The following MSI2 variants were observed in gnomAD, a reference collection of about 807,000 sequenced individuals.
MSI2 encodes RNA-binding protein Musashi homolog 2.
MSI2 carries 17 observed loss-of-function variants against 45.6 expected under a neutral mutation model. The observed-to-expected ratio is 0.37, with a 90% CI of 0.26 to 0.56. MSI2 has a LOEUF of 0.56. MSI2 is among the 20% of genes least tolerant of loss of function. The probability of loss-of-function intolerance (pLI) is 0.77; values close to 1 mark genes in which losing one functional copy is unlikely to be tolerated. For missense variants in MSI2, 293 were observed against 444.2 expected, an observed-to-expected ratio of 0.66 and a Z score of 3.06; for synonymous variants, 156 against 158.2, an observed-to-expected ratio of 0.99 and a Z score of 0.11.
chr17:57,573,256 G>A (rs1041630647), intron 7 of MSI2, among the ~76,000 whole-genome samples: 15 of 152,246 alleles, frequency 9.9e-5, no homozygotes, highest in South Asian at 8.3e-4. Flanking sequence ...CAATAATAGC[G>A]TTATAATAAT....
At chr17:57,379,792 T>G (rs1728717254) in intron 5 of MSI2, among the ~76,000 whole-genome samples, 1 of 152,134 alleles carries the variant, frequency 6.6e-6, no homozygotes, top group African/African-American at 2.4e-5. Flanking sequence ...GGTCAGCTCT[T>G]GATTGTTTAA....
intron 4 of MSI2, among the ~76,000 whole-genome samples, chr17:57,261,347 A>G (rs935630037): frequency 6.8e-6 from 1 of 146,890 alleles, no homozygotes; most frequent in Non-Finnish European, 1.5e-5. Flanking sequence ...TACTTCTTGT[A>G]TTCAGTAACT....
intron 6 of MSI2, among the ~76,000 whole-genome samples, chr17:57,419,078 G>C (rs2084347701): frequency 6.6e-6 from 1 of 152,120 alleles, no homozygotes; most frequent in Non-Finnish European, 1.5e-5. Context: ...TCCAAGGCAG[G>C]TAGAGTGTGA....
chr17:57,635,076 G>A (rs117716553), intron 10 of MSI2, among the ~76,000 whole-genome samples: 4 of 152,174 alleles, frequency 2.6e-5, no homozygotes, highest in Non-Finnish European at 5.9e-5. Flanking sequence ...AGAGTGGAAC[G>A]GCTACTAGTA....
chr17:57,363,680 A>C (rs2143915654), intron 5 of MSI2, among the ~76,000 whole-genome samples: 1 of 152,290 alleles, frequency 6.6e-6, no homozygotes. Context: ...CAGGGGTTGT[A>C]GTGAGCCGAA....
rs369579503 is a variant in MSI2, at chr17:57,651,994, T to G, written c.728-105T>G. 4.6e-5 allele frequency: 48 copies of G among 1,047,750 alleles called. No homozygotes were observed. In the African/African-American group the frequency reaches 7.2e-4, roughly 16 times the overall value. The allele number at this position is 1,047,750 out of a possible 1,614,324, so 64.9% of individuals were successfully genotyped here. On this transcript the variant is annotated intron_variant, in intron 10 of 13. Coordinates refer to ENST00000284073, the MANE Select transcript of MSI2 (RefSeq NM_138962.4). ...CCCTGTGAAAATCCCTTCCCACTCC[T>G]GTCTTTGTGTGGAGGGCGGGGGGTT...
chr17:57,337,045 A>T (rs935316352), intron 5 of MSI2, among the ~76,000 whole-genome samples: 2 of 152,220 alleles, frequency 1.3e-5, no homozygotes, highest in African/African-American at 4.8e-5. Context: ...GGGGCCCTCC[A>T]GAGGCTACCT....
At chr17:57,436,704 C>T (rs2084697474) in intron 6 of MSI2, among the ~76,000 whole-genome samples, 1 of 152,182 alleles carries the variant, frequency 6.6e-6, no homozygotes. Flanking sequence ...ATGCCGCTTG[C>T]TGTGGGCATT....
At chr17:57,270,587 G>A (rs764564972) in intron 5 of MSI2, among the ~76,000 whole-genome samples, 1 of 152,194 alleles carries the variant, frequency 6.6e-6, no homozygotes, top group Non-Finnish European at 1.5e-5. Context: ...TACCAGCTAT[G>A]GCATTTTAGA....
At chr17:57,515,643 G>A (rs1207004515) in intron 6 of MSI2, among the ~76,000 whole-genome samples, 1 of 152,154 alleles carries the variant, frequency 6.6e-6, no homozygotes, top group Non-Finnish European at 1.5e-5. Context: ...ATTTCCTGAG[G>A]ACTAGGGAGA....
chr17:57,263,315 A>T (rs978862730), intron 5 of MSI2, among the ~76,000 whole-genome samples: 5 of 152,284 alleles, frequency 3.3e-5, no homozygotes, highest in African/African-American at 9.6e-5. Context: ...AAAGATGGAA[A>T]CACAACTTTT....
intron 6 of MSI2, among the ~76,000 whole-genome samples, chr17:57,505,414 T>C (rs1421751046): frequency 6.6e-6 from 1 of 152,042 alleles, no homozygotes; most frequent in East Asian, 1.9e-4. Context: ...AGAGAAAGCA[T>C]GGACATAAGG....
chr17:57,621,243 C>T (rs1381986351), intron 9 of MSI2, among the ~76,000 whole-genome samples: 2 of 152,178 alleles, frequency 1.3e-5, no homozygotes, highest in African/African-American at 4.8e-5. Flanking sequence ...GGAAGCACTA[C>T]CATCCTCACC....
intron 7 of MSI2, among the ~76,000 whole-genome samples, chr17:57,539,561 A>G (rs979007378): frequency 4.3e-4 from 8 of 18,488 alleles, no homozygotes; most frequent in African/African-American, 2.0e-3. Flanking sequence ...GAACGGTGGC[A>G]CGTGCCTGTA....
At chr17:57,436,530 T>C (rs896398451) in intron 6 of MSI2, among the ~76,000 whole-genome samples, 1 of 152,154 alleles carries the variant, frequency 6.6e-6, no homozygotes, top group African/African-American at 2.4e-5. Context: ...AGATCCAGCG[T>C]GGGCCTTGCT....
At chr17:57,333,957 TGG>T in intron 5 of MSI2, among the ~76,000 whole-genome samples, 1 of 152,332 alleles carries the variant, frequency 6.6e-6, no homozygotes, top group African/African-American at 2.4e-5. Context: ...TTTGTCATCT[TGG>T]AAGATGACTT....
At chr17:57,291,509 T>C (rs1910415261) in intron 5 of MSI2, among the ~76,000 whole-genome samples, 1 of 152,190 alleles carries the variant, frequency 6.6e-6, no homozygotes, top group Admixed American at 6.5e-5. Context: ...GCAGCGAGGC[T>C]TTTAATGTTG....
At chr17:57,518,731 C>T (rs1313582979) in intron 6 of MSI2, among the ~76,000 whole-genome samples, 2 of 152,052 alleles carry the variant, frequency 1.3e-5, no homozygotes, top group African/African-American at 2.4e-5. Flanking sequence ...TTCAGCAGTT[C>T]AGCAGCCTGC....
intron 5 of MSI2, among the ~76,000 whole-genome samples, chr17:57,293,219 C>T (rs1910585435): frequency 6.6e-6 from 1 of 152,122 alleles, no homozygotes; most frequent in Non-Finnish European, 1.5e-5. Context: ...AGCCTGGGGC[C>T]ACAGGGGAGG....
Sources: gnomAD v4.1 joint callset for allele counts (sites outside exome capture counted in the v4.1 genomes callset) on GRCh38, gnomAD v4.1.1 for gene constraint, MANE v1.5 for transcripts, NCBI Gene and HGNC (gene_info 2026-07-23, HGNC 2026-07-21) for gene names.